Variants in LLGL2 observed in about 807,000 individuals in gnomAD.
The protein encoded by LLGL2 is LLGL2, scribble cell polarity complex component.
LLGL2 carries 81 observed loss-of-function variants against 123.2 expected under a neutral mutation model. That is an observed-to-expected ratio of 0.66 (90% CI 0.55 to 0.79). The LOEUF (loss-of-function observed/expected upper bound fraction) is 0.79, where lower values mean the gene tolerates loss of function less well. Ranked by LOEUF, LLGL2 falls within the 30% of genes least tolerant of loss-of-function variation. The probability of loss-of-function intolerance (pLI) is 0.00; values close to 1 mark genes in which losing one functional copy is unlikely to be tolerated. For missense variants in LLGL2, 1,273 were observed against 1,414.6 expected, an observed-to-expected ratio of 0.90 and a Z score of 1.61; for synonymous variants, 577 against 594.1, an observed-to-expected ratio of 0.97 and a Z score of 0.42.
At chr17:75,532,051 T>TACACACACACAC (rs1470150170) in intron 1 of LLGL2, among the ~76,000 whole-genome samples, 1,855 of 36,594 alleles carry the variant, frequency 0.051, 56 homozygotes, top group African/African-American at 0.12. Context: ...TATATATGTA[T>TACACACACACAC]ATATACACAC....
chr17:75,560,469 T>TTATAA (rs1244663790), intron 6 of LLGL2, among the ~76,000 whole-genome samples: 1 of 151,914 alleles, frequency 6.6e-6, no homozygotes, highest in Non-Finnish European at 1.5e-5. Context: ...GCCAGTTTAT[T>TTATAA]TATATTATAT....
chr17:75,552,451 T>C (rs2054721275), intron 2 of LLGL2, among the ~76,000 whole-genome samples: 2 of 152,222 alleles, frequency 1.3e-5, no homozygotes, highest in African/African-American at 4.8e-5. Context: ...ATCGTGCCAC[T>C]GCACTCCAGG....
chr17:75,556,344 C>T (rs1440604547), intron 3 of LLGL2, among the ~76,000 whole-genome samples: 1 of 152,150 alleles, frequency 6.6e-6, no homozygotes, highest in Non-Finnish European at 1.5e-5. Flanking sequence ...ATGAGTGCAT[C>T]CCTGGTGGGA....
chr17:75,565,093 C>T (rs987415396), intron 10 of LLGL2, among the ~76,000 whole-genome samples: 1 of 152,210 alleles, frequency 6.6e-6, no homozygotes, highest in Admixed American at 6.5e-5. Flanking sequence ...GGGGGCTGAT[C>T]TGTACTGTTG....
chr17:75,563,293 AGC>A, intron 7 of LLGL2, 36 bp from the exon 8 acceptor site: 1 of 1,607,220 alleles, frequency 6.2e-7, no homozygotes, highest in African/African-American at 1.3e-5. Context: ...GCCTCGGTCC[AGC>A]GTGCTGCCCT....
rs1011181577 is a variant in LLGL2 at position 75,564,985 on chromosome 17, C to T, written c.1036+478C>T. ...AGCCCTACAGCTCCTTTCTCTGCCT[C>T]CCTGCCACCCTCCCCAGCTAGAGAC... On this transcript the variant is annotated intron_variant, in intron 10 of 25. Transcript: ENST00000392550. The surrounding 1 kb of genome is among the most constrained non-coding windows in gnomAD (Gnocchi z 4.9). Among the ~76,000 whole-genome samples the T allele has an allele frequency of 6.6e-6, 1 of 152,212 alleles. No individual in the cohort carries two copies. The highest frequency in any genetic ancestry group is 1.5e-5 in the Non-Finnish European group (1 of 68,032).
At position 75,563,035 on chromosome 17, in the gene LLGL2, C is replaced by T; in HGVS notation, c.550C>T (p.His184Tyr). The change falls in exon 7 of 26, where the codon CAC becomes TAC. Residue 184 changes from histidine to tyrosine, a missense_variant. Coordinates refer to ENST00000392550, the MANE Select transcript of LLGL2 (RefSeq NM_001031803.2). ...VLQRLPEEAR[H>Y]RRVFEMVEAL... ...GCCCAGGTTGCCAGAGGAGGCCCGC[C>T]ACCGGCGTGTGTTCGAGATGGTGGA... 1 of 1,612,594 alleles carries T rather than the reference C, an allele frequency of 6.2e-7. No individual in the cohort carries two copies. Among genetic ancestry groups the T allele is most frequent in the Non-Finnish European group, 8.5e-7 (1 of 1,180,012 alleles).
At position 75,558,224 on chromosome 17, in the gene LLGL2, C is replaced by T; in HGVS notation, c.243C>T (p.Leu81=). 1 of 1,612,540 alleles carries T rather than the reference C, an allele frequency of 6.2e-7. No individual in the cohort carries two copies. The highest frequency in any genetic ancestry group is 1.1e-5 in the South Asian group (1 of 91,086). ...ACAACGCTGTGACGCAGATCCACCT[C>T]CTGCCCGGCCAGGTGAGGGACCTGG... ...QENNAVTQIH[L]LPGQCQLVTL... is the part of the protein sequence containing the mutation. Residue 81 remains leucine (L), a synonymous_variant, in exon 4 of 26, where the codon CTC becomes CTT. Coordinates refer to ENST00000392550, the MANE Select transcript of LLGL2 (RefSeq NM_001031803.2). This position sits in a 1 kb window ranked among gnomAD's most constrained non-coding sequence, Gnocchi z 4.0.
chr17:75,529,096 C>T (rs1346465692), intron 1 of LLGL2, among the ~76,000 whole-genome samples: 2 of 150,472 alleles, frequency 1.3e-5, no homozygotes, highest in Non-Finnish European at 3.0e-5. Context: ...GCAGAGGTTG[C>T]AGTGAGCCGA....
intron 2 of LLGL2, among the ~76,000 whole-genome samples, chr17:75,551,551 G>C (rs1395196975): frequency 6.6e-6 from 1 of 152,192 alleles, no homozygotes; most frequent in Non-Finnish European, 1.5e-5. Context: ...AATGCGGGTG[G>C]TTGAAGGATG....
rs760108198 is a variant in LLGL2 at position 75,569,332 on chromosome 17, G to A, written c.1581+7G>A. The stretch of plus-strand genomic sequence containing the variant: ...GGCAGGCACGGCAGGGCAGGTAGCA[G>A]GCTGGGCTGGGGAGGGGGAGCTGGG... On this transcript the variant is annotated splice_region_variant and intron_variant, in intron 14 of 25. Transcript: ENST00000392550. 1 of 1,609,264 alleles carries A rather than the reference G, an allele frequency of 6.2e-7. No homozygotes were observed. Among genetic ancestry groups the A allele is most frequent in the Non-Finnish European group, 8.5e-7 (1 of 1,176,602 alleles).
chr17:75,553,060 G>A (rs1273897480), intron 2 of LLGL2, among the ~76,000 whole-genome samples: 3 of 152,226 alleles, frequency 2.0e-5, no homozygotes, highest in African/African-American at 7.2e-5. Flanking sequence ...CTGAGGTCTG[G>A]TGGGGCCCCT....
At chr17:75,554,919 G>A (rs954661151) in intron 2 of LLGL2, among the ~76,000 whole-genome samples, 2 of 144,566 alleles carry the variant, frequency 1.4e-5, no homozygotes, top group Admixed American at 7.2e-5. Flanking sequence ...GGCTGGGTGC[G>A]GGTGGCTCAC....
chr17:75,569,346 G>A (rs765259472), intron 14 of LLGL2, 21 bp downstream of exon 14: 3 of 1,585,958 alleles, frequency 1.9e-6, no homozygotes, highest in Admixed American at 1.7e-5. Flanking sequence ...GGGCTGGGGA[G>A]GGGGAGCTGG....
Position 75,565,587 on chromosome 17 carries a change from C to T in LLGL2, c.1036+1080C>T, listed in dbSNP as rs904201613. 8.5e-5 allele frequency among the ~76,000 whole-genome samples: 13 copies of T among 152,326 alleles called. 1 individual carries two copies. The highest frequency in any genetic ancestry group is 3.3e-4 in the Admixed American group (5 of 15,296). ...CTTGGGCTATGGTGGCCACACTCCC[C>T]GGGCTAACTGAGTTACCTGATTCCC... On this transcript the variant is annotated intron_variant, in intron 10 of 25. Coordinates refer to ENST00000392550, the MANE Select transcript of LLGL2 (RefSeq NM_001031803.2).
chr17:75,569,332 G>T lies in LLGL2; in HGVS notation c.1581+7G>T. 1 of 1,609,264 alleles carries T rather than the reference G, an allele frequency of 6.2e-7. No homozygotes were observed. The highest frequency in any genetic ancestry group is 8.5e-7 in the Non-Finnish European group (1 of 1,176,602). On this transcript the variant is annotated splice_region_variant and intron_variant, in intron 14 of 25. Transcript: ENST00000392550. ...GGCAGGCACGGCAGGGCAGGTAGCAGGCTGGGCTGGGGAGGGGGAGCTGGG... is the reference window on the plus strand; with the variant it reads ...GGCAGGCACGGCAGGGCAGGTAGCATGCTGGGCTGGGGAGGGGGAGCTGGG...
intron 1 of LLGL2, among the ~76,000 whole-genome samples, chr17:75,537,105 G>C (rs1252003360): frequency 6.6e-6 from 1 of 152,180 alleles, no homozygotes; most frequent in Non-Finnish European, 1.5e-5. Flanking sequence ...TTACAGACGT[G>C]AGCCACAGCG....
chr17:75,535,410 G>T (rs2053963008), intron 1 of LLGL2, among the ~76,000 whole-genome samples: 1 of 152,254 alleles, frequency 6.6e-6, no homozygotes, highest in South Asian at 2.1e-4. Flanking sequence ...GCCCTCTCTG[G>T]TTTCGGCTGG....
rs767037898 is a variant in LLGL2, at chr17:75,573,602, G to A, written c.2847G>A (p.Ala949=). The change falls in exon 21 of 26, where the codon GCG becomes GCA. Residue 949 remains alanine, a synonymous_variant. Transcript: ENST00000392550. ...AGAACCACCGCCCTGGTAACGGTGC[G>A]GGCCCCAAGAAGGCCCCGAGCCGAG... ...ETKNHRPGNG[A]GPKKAPSRAR... 99 of 1,611,010 alleles carry A rather than the reference G, an allele frequency of 6.1e-5. No homozygotes were observed. Among genetic ancestry groups the A allele is most frequent in the Middle Eastern group, 1.6e-4 (1 of 6,080 alleles).
Sources: allele counts gnomAD v4.1 joint callset (sites outside exome capture counted in the v4.1 genomes callset), GRCh38; gene constraint gnomAD v4.1.1; non-coding constraint Gnocchi (gnomAD v3.1); transcripts MANE v1.5; gene names NCBI Gene and HGNC (gene_info 2026-07-23, HGNC 2026-07-21).